SHISA9: variants seen among roughly 807,000 people sequenced by gnomAD.
SHISA9 encodes protein shisa-9.
SHISA9 carries 13 observed loss-of-function variants against 38.0 expected under a neutral mutation model. The ratio of observed to expected loss-of-function variants is 0.34; its 90% confidence interval spans 0.22 to 0.54. The LOEUF (loss-of-function observed/expected upper bound fraction) is 0.54, where lower values mean the gene tolerates loss of function less well. SHISA9 is among the 20% of genes least tolerant of loss of function. The pLI is 0.91. For synonymous variants in SHISA9, 275 were observed against 242.0 expected (o/e 1.14, Z -1.27); for missense variants, 538 against 575.8 (o/e 0.93, Z 0.67).
chr16:13,415,018 C>T, the SHISA9 span, among the ~76,000 whole-genome samples: 1 of 152,256 alleles, frequency 6.6e-6, no homozygotes, highest in South Asian at 2.1e-4. Flanking sequence ...GGCTATAGCT[C>T]ACTGTTTGCC....
chr16:13,247,860 A>G, the SHISA9 span, among the ~76,000 whole-genome samples: 2 of 152,250 alleles, frequency 1.3e-5, no homozygotes, highest in Non-Finnish European at 2.9e-5. Context: ...ATTTTTAAAA[A>G]TCTCAACATC....
the SHISA9 span, among the ~76,000 whole-genome samples, chr16:13,469,365 A>AAGAAAGAAAGGAAAAAGAAAG: frequency 3.1e-5 from 2 of 64,456 alleles, no homozygotes; most frequent in Non-Finnish European, 3.1e-5. Context: ...AAAGAAAAGA[A>AAGAAAGAAAGGAAAAAGAAAG]AAAGAAAGAA....
intron 2 of SHISA9, among the ~76,000 whole-genome samples, chr16:13,128,423 G>C (rs1251598387): frequency 6.6e-6 from 1 of 152,034 alleles, no homozygotes; most frequent in Non-Finnish European, 1.5e-5. Context: ...TTCCAACCTA[G>C]CAGCTAGGAG....
chr16:12,902,263 CG>C lies in SHISA9; in HGVS notation c.202del (p.Ala68ArgfsTer48). On this transcript the variant is annotated frameshift_variant, in exon 1 of 5. Transcript: ENST00000558583. LOFTEE classifies it high-confidence loss of function. ...TGAGGCATCGGACGCGCCCCCGACC[CG>C]GGCGCCCACGCCGGACTTCTGCCGG... ...GAEASDAPPT[R>X]APTPDFCRGY... The C allele has an allele frequency of 6.5e-7, 1 of 1,547,488 alleles. No individual in the cohort carries two copies.
At chr16:12,960,833 C>A (rs2071901025) in intron 2 of SHISA9, among the ~76,000 whole-genome samples, 1 of 152,148 alleles carries the variant, frequency 6.6e-6, no homozygotes, top group Non-Finnish European at 1.5e-5. Context: ...CTATCTCAGC[C>A]CTGTTTTCCT....
At position 13,155,666 on chromosome 16, in the gene SHISA9, C is replaced by T. The variant is rs1219531833; in HGVS notation, c.692-47728C>T. Among the ~76,000 whole-genome samples, 3 of 152,070 alleles carry T rather than the reference C, an allele frequency of 2.0e-5. No homozygotes were observed. The East Asian group carries it at 5.8e-4, about 29-fold the overall frequency. On this transcript the variant is annotated intron_variant, in intron 2 of 4. Coordinates refer to ENST00000558583, the MANE Select transcript of SHISA9 (RefSeq NM_001145204.3). The stretch of plus-strand genomic sequence containing the variant: ...GTAGGGCACTGTGCTAGTCAAGGTA[C>T]CCAGGCCACAGCCTTTGAACTAATT...
the SHISA9 span, among the ~76,000 whole-genome samples, chr16:13,439,509 A>G: frequency 3.9e-5 from 6 of 152,146 alleles, no homozygotes; most frequent in African/African-American, 1.4e-4. Context: ...TGTCTATTGT[A>G]CCCTAATACA....
intron 2 of SHISA9, among the ~76,000 whole-genome samples, chr16:13,027,897 G>A (rs891229615): frequency 3.5e-5 from 5 of 141,848 alleles, no homozygotes; most frequent in African/African-American, 1.4e-4. Flanking sequence ...ACTGCACTCT[G>A]GCCTGGGTGA....
chr16:13,024,236 A>G (rs1448313672), intron 2 of SHISA9, among the ~76,000 whole-genome samples: 1 of 152,228 alleles, frequency 6.6e-6, no homozygotes, highest in Non-Finnish European at 1.5e-5. Context: ...TAAAGGAAGC[A>G]TTTGCATGGC....
At chr16:13,182,884 C>A (rs144000652) in intron 2 of SHISA9, among the ~76,000 whole-genome samples, 1 of 152,326 alleles carries the variant, frequency 6.6e-6, no homozygotes, top group East Asian at 1.9e-4. Flanking sequence ...GCAGTTCCCA[C>A]TCAGGGTCTG....
At chr16:13,117,236 A>T (rs935812807) in intron 2 of SHISA9, among the ~76,000 whole-genome samples, 3 of 152,180 alleles carry the variant, frequency 2.0e-5, no homozygotes, top group Non-Finnish European at 4.4e-5. Context: ...CGGCTTCCCA[A>T]ACTGCTGGGA....
At chr16:13,402,276 C>G in the SHISA9 span, among the ~76,000 whole-genome samples, 1,383 of 152,192 alleles carry the variant, frequency 9.1e-3, 16 homozygotes, top group Non-Finnish European at 0.016. Flanking sequence ...TGCTTGAGAA[C>G]CAGGTGAGCC....
chr16:13,183,616 T>TATA (rs2142033486), intron 2 of SHISA9, among the ~76,000 whole-genome samples: 1 of 152,362 alleles, frequency 6.6e-6, no homozygotes, highest in South Asian at 2.1e-4. Context: ...ATTAAGTCTC[T>TATA]ATAAAGTGCC....
intron 2 of SHISA9, among the ~76,000 whole-genome samples, chr16:13,019,649 G>A (rs1002229531): frequency 5.3e-5 from 8 of 151,890 alleles, no homozygotes; most frequent in Non-Finnish European, 5.9e-5. Flanking sequence ...ACAAGTGCAG[G>A]TTTGGTACAT....
chr16:13,344,595 A>G, the SHISA9 span, among the ~76,000 whole-genome samples: 1 of 152,186 alleles, frequency 6.6e-6, no homozygotes, highest in Non-Finnish European at 1.5e-5. Context: ...ATTGATAATA[A>G]TGATAACAGT....
At chr16:13,302,829 G>A in the SHISA9 span, among the ~76,000 whole-genome samples, 3 of 152,102 alleles carry the variant, frequency 2.0e-5, no homozygotes, top group Admixed American at 6.6e-5. Context: ...TTGGGTCATG[G>A]GTGTGGTTTC....
chr16:13,302,287 G>T, the SHISA9 span, among the ~76,000 whole-genome samples: 622 of 152,316 alleles, frequency 4.1e-3, 2 homozygotes, highest in Non-Finnish European at 5.3e-3. Context: ...CATAGCTTGT[G>T]TATGTGTGCC....
the SHISA9 span, among the ~76,000 whole-genome samples, chr16:13,532,089 T>C: frequency 1.8e-4 from 28 of 152,300 alleles, no homozygotes; most frequent in Non-Finnish European, 3.5e-4. Context: ...TTTCATAACC[T>C]GGGCCAATTT....
chr16:13,385,381 G>A, the SHISA9 span, among the ~76,000 whole-genome samples: 948 of 152,226 alleles, frequency 6.2e-3, 15 homozygotes, highest in African/African-American at 0.022. Flanking sequence ...AGCCCCAAAC[G>A]GAAGCAATCT....
Sources: gnomAD v4.1 joint callset for allele counts (sites outside exome capture counted in the v4.1 genomes callset) on GRCh38, gnomAD v4.1.1 for gene constraint, MANE v1.5 for transcripts, NCBI Gene and HGNC (gene_info 2026-07-23, HGNC 2026-07-21) for gene names.